Variants in XKR4 observed in about 807,000 individuals in gnomAD.
XKR4 encodes the protein XK-related protein 4.
XKR4 carries 12 observed loss-of-function variants against 53.9 expected under a neutral mutation model. The observed-to-expected ratio is 0.22, with a 90% CI of 0.14 to 0.36. The LOEUF is 0.36. Ranked by LOEUF, XKR4 falls within the 10% of genes least tolerant of loss-of-function variation. The pLI, the probability that XKR4 is intolerant of heterozygous loss-of-function variation, is 1.00. For synonymous variants in XKR4, 354 were observed against 362.4 expected, an observed-to-expected ratio of 0.98 and a Z score of 0.26; for missense variants, 799 against 859.5, an observed-to-expected ratio of 0.93 and a Z score of 0.88.
chr8:55,190,923 C>T (rs1416161594), intron 1 of XKR4, among the ~76,000 whole-genome samples: 1 of 152,224 alleles, frequency 6.6e-6, no homozygotes, highest in African/African-American at 2.4e-5. Context: ...CCTTCTCTCA[C>T]TTCGTCTTAT....
chr8:55,366,240 C>T (rs1298813314), intron 2 of XKR4, among the ~76,000 whole-genome samples: 1 of 152,260 alleles, frequency 6.6e-6, no homozygotes, highest in Non-Finnish European at 1.5e-5. Flanking sequence ...AGAACAGGGT[C>T]TGCAGAGTCC....
At position 55,537,995 on chromosome 8, in the gene XKR4, T is replaced by C. The variant is rs1807053848; in HGVS notation, c.*13768T>C. 1 of 152,242 alleles carries C rather than the reference T, an allele frequency of 6.6e-6. No individual in the cohort carries two copies. The highest frequency in any genetic ancestry group is 1.5e-5 in the Non-Finnish European group (1 of 68,048). 9.4% of individuals were successfully genotyped at this position (152,242 alleles called of 1,614,324 possible). On this transcript the variant is annotated 3_prime_UTR_variant, in exon 3 of 3. Transcript: ENST00000327381. ...AGTCATTTTATTCAGTGATCTTTGG[T>C]AGTACGATAATCAATGGAATTTATG... is the stretch of plus-strand genomic sequence containing the variant.
intron 2 of XKR4, among the ~76,000 whole-genome samples, chr8:55,521,547 T>G (rs1054995103): frequency 6.6e-6 from 1 of 152,164 alleles, no homozygotes. Context: ...AATTAAAGAT[T>G]TTTGTGCTAG....
At chr8:55,316,847 C>A (rs1665702177) in intron 1 of XKR4, among the ~76,000 whole-genome samples, 1 of 152,196 alleles carries the variant, frequency 6.6e-6, no homozygotes, top group South Asian at 2.1e-4. Flanking sequence ...AATTCTTACA[C>A]TGCTTGTATC....
At chr8:55,255,183 G>A (rs773014944) in intron 1 of XKR4, among the ~76,000 whole-genome samples, 5 of 152,070 alleles carry the variant, frequency 3.3e-5, no homozygotes, top group Non-Finnish European at 7.4e-5. Context: ...CTCTTTTCTG[G>A]CTCTGGATGG....
intron 1 of XKR4, among the ~76,000 whole-genome samples, chr8:55,235,959 C>G (rs900067324): frequency 3.9e-5 from 6 of 152,204 alleles, no homozygotes; most frequent in African/African-American, 1.2e-4. Context: ...GCTCAGGCCT[C>G]TCTGCATTAA....
At chr8:55,451,161 G>A (rs1370343215) in intron 2 of XKR4, 5 of 536,438 alleles carry the variant, frequency 9.3e-6, no homozygotes, top group Non-Finnish European at 1.7e-5. Context: ...CGGGTCGGGG[G>A]CCGGGGGACA....
chr8:55,361,630 C>T (rs1056227180), intron 2 of XKR4, among the ~76,000 whole-genome samples: 5 of 151,990 alleles, frequency 3.3e-5, no homozygotes, highest in South Asian at 2.1e-4. Flanking sequence ...GTCCTAGAGC[C>T]GCTTAGACTC....
At chr8:55,425,414 G>C (rs1027733636) in intron 2 of XKR4, among the ~76,000 whole-genome samples, 1 of 130,352 alleles carries the variant, frequency 7.7e-6, no homozygotes, top group African/African-American at 2.9e-5. Context: ...CTCTCGTCTA[G>C]CCTCTCTCAT....
At chr8:55,401,928 A>G (rs1288638881) in intron 2 of XKR4, among the ~76,000 whole-genome samples, 6 of 152,250 alleles carry the variant, frequency 3.9e-5, no homozygotes, top group Non-Finnish European at 8.8e-5. Context: ...AATTAGCATT[A>G]CATGTTAACA....
At chr8:55,273,408 C>T (rs982093476) in intron 1 of XKR4, among the ~76,000 whole-genome samples, 1 of 152,176 alleles carries the variant, frequency 6.6e-6, no homozygotes, top group East Asian at 1.9e-4. Context: ...GGTAACAGCT[C>T]TTTCCCAAAG....
At chr8:55,113,733 C>T (rs1341939634) in intron 1 of XKR4, among the ~76,000 whole-genome samples, 1 of 152,140 alleles carries the variant, frequency 6.6e-6, no homozygotes, top group East Asian at 1.9e-4. Context: ...CTTCCACCCT[C>T]CCACCTTTTG....
intron 2 of XKR4, among the ~76,000 whole-genome samples, chr8:55,515,430 A>G (rs1806697960): frequency 6.6e-6 from 1 of 151,992 alleles, no homozygotes; most frequent in South Asian, 2.1e-4. Context: ...CCTTCCTTCA[A>G]CTAGGTTAAT....
At chr8:55,462,798 A>G (rs1805683492) in intron 2 of XKR4, among the ~76,000 whole-genome samples, 1 of 152,222 alleles carries the variant, frequency 6.6e-6, no homozygotes, top group African/African-American at 2.4e-5. Context: ...AGTAAATGGA[A>G]AACAAAAAAA....
At chr8:55,301,993 A>G (rs1433585825) in intron 1 of XKR4, among the ~76,000 whole-genome samples, 1 of 152,134 alleles carries the variant, frequency 6.6e-6, no homozygotes, top group Non-Finnish European at 1.5e-5. Context: ...GAAGATCTTT[A>G]GTTTAATTAG....
chr8:55,265,161 G>A (rs1431750427), intron 1 of XKR4, among the ~76,000 whole-genome samples: 1 of 152,222 alleles, frequency 6.6e-6, no homozygotes, highest in Non-Finnish European at 1.5e-5. Context: ...ACTACAAGCA[G>A]ATGGATTTTA....
chr8:55,181,563 G>A (rs993671702), intron 1 of XKR4, among the ~76,000 whole-genome samples: 4 of 152,174 alleles, frequency 2.6e-5, no homozygotes, highest in Non-Finnish European at 4.4e-5. Flanking sequence ...GAGCAGGTAA[G>A]TGAATAATTT....
At chr8:55,247,533 A>C (rs924256596) in intron 1 of XKR4, among the ~76,000 whole-genome samples, 4 of 152,214 alleles carry the variant, frequency 2.6e-5, no homozygotes, top group Non-Finnish European at 1.5e-5. Flanking sequence ...ATTTGAGCCC[A>C]TATGACCAAC....
intron 1 of XKR4, among the ~76,000 whole-genome samples, chr8:55,123,737 G>T (rs573456700): frequency 6.6e-6 from 1 of 152,280 alleles, no homozygotes; most frequent in African/African-American, 2.4e-5. Context: ...CTGTGTGTGT[G>T]TCCCACAGGG....
Sources: allele counts gnomAD v4.1 joint callset (sites outside exome capture counted in the v4.1 genomes callset), GRCh38; gene constraint gnomAD v4.1.1; transcripts MANE v1.5; gene names NCBI Gene and HGNC (gene_info 2026-07-23, HGNC 2026-07-21).